Variants in TTC28 observed in about 807,000 individuals in gnomAD.
TTC28 encodes tetratricopeptide repeat protein 28.
TTC28 carries 61 observed loss-of-function variants against 198.0 expected under a neutral mutation model. That is an observed-to-expected ratio of 0.31 (90% confidence interval 0.25 to 0.38). The LOEUF (loss-of-function observed/expected upper bound fraction) is 0.38, where lower values mean the gene tolerates loss of function less well. Ranked by LOEUF, TTC28 falls within the 10% of genes least tolerant of loss-of-function variation. The probability of loss-of-function intolerance (pLI) is 1.00; values close to 1 mark genes in which losing one functional copy is unlikely to be tolerated. For synonymous variants in TTC28, 1,171 were observed against 1,297.8 expected, an observed-to-expected ratio of 0.90 and a Z score of 2.10; for missense variants, 2,678 against 3,164.0, an observed-to-expected ratio of 0.85 and a Z score of 3.69.
chr22:28,467,385 C>T (rs1428360598), intron 2 of TTC28, among the ~76,000 whole-genome samples: 1 of 152,164 alleles, frequency 6.6e-6, no homozygotes, highest in Non-Finnish European at 1.5e-5. Context: ...GATTGCACCA[C>T]TGCACTCCAG....
chr22:28,262,667 A>G (rs946867571), intron 5 of TTC28, among the ~76,000 whole-genome samples: 9 of 152,150 alleles, frequency 5.9e-5, no homozygotes, highest in African/African-American at 1.9e-4. Flanking sequence ...TAATGAAGAG[A>G]CTAAACTGAC....
chr22:28,519,566 C>T (rs562127836), intron 2 of TTC28, among the ~76,000 whole-genome samples: 2 of 152,308 alleles, frequency 1.3e-5, no homozygotes, highest in South Asian at 2.1e-4. Flanking sequence ...ATGTTTCATA[C>T]TAACTCTCCC....
intron 2 of TTC28, among the ~76,000 whole-genome samples, chr22:28,360,953 G>A (rs1569282190): frequency 6.6e-6 from 1 of 151,990 alleles, no homozygotes; most frequent in African/African-American, 2.4e-5. Flanking sequence ...AATTGTTTTG[G>A]GATACCACAA....
intron 5 of TTC28, among the ~76,000 whole-genome samples, chr22:28,215,402 A>T (rs1338068793): frequency 6.6e-6 from 1 of 152,178 alleles, no homozygotes; most frequent in Non-Finnish European, 1.5e-5. Flanking sequence ...CTATGAAAAG[A>T]AGGTAGAGGT....
At chr22:28,166,281 C>A (rs1375065323) in intron 5 of TTC28, among the ~76,000 whole-genome samples, 3 of 152,156 alleles carry the variant, frequency 2.0e-5, no homozygotes, top group South Asian at 2.1e-4. Flanking sequence ...AGAAAGTTAA[C>A]AAGGATATCC....
chr22:28,239,265 T>C (rs992296173), intron 5 of TTC28, among the ~76,000 whole-genome samples: 15 of 152,150 alleles, frequency 9.9e-5, no homozygotes, highest in African/African-American at 3.6e-4. Context: ...TACAATCTTC[T>C]TTGTCCAATA....
Position 28,163,435 on chromosome 22 carries a change from G to A in TTC28, c.1098C>T (p.Ala366=), listed in dbSNP as rs192960148. ...GCACAGCATTCTCAAAGTCACCCAT[G>A]GCAATATACACAGCTCCCATGTTGC... The part of the protein sequence containing the change: ...ELGNMGAVYI[A]MGDFENAVQC... Residue 366 remains alanine, a synonymous_variant, in exon 6 of 23, where the codon GCC becomes GCT. Transcript: ENST00000397906. 15 of 1,551,756 alleles carry A rather than the reference G, an allele frequency of 9.7e-6. No individual in the cohort carries two copies. In the African/African-American group the frequency reaches 1.6e-4, roughly 17 times the overall value.
chr22:28,339,333 C>T (rs2045788988), intron 2 of TTC28, among the ~76,000 whole-genome samples: 1 of 152,104 alleles, frequency 6.6e-6, no homozygotes, highest in Non-Finnish European at 1.5e-5. Context: ...GGCTACTCGG[C>T]GGTCAGGGAC....
chr22:28,097,857 G>A (rs1319996565), intron 10 of TTC28, among the ~76,000 whole-genome samples: 1 of 152,192 alleles, frequency 6.6e-6, no homozygotes, highest in African/African-American at 2.4e-5. Context: ...GTGCACACGG[G>A]AAAATCGGCC....
At chr22:28,393,726 C>T (rs945983263) in intron 2 of TTC28, among the ~76,000 whole-genome samples, 9 of 152,140 alleles carry the variant, frequency 5.9e-5, no homozygotes, top group African/African-American at 2.2e-4. Flanking sequence ...CAAAGCAAAA[C>T]GGCTTCAGCT....
intron 2 of TTC28, among the ~76,000 whole-genome samples, chr22:28,519,867 T>C (rs2048865916): frequency 6.6e-6 from 1 of 152,206 alleles, no homozygotes; most frequent in African/African-American, 2.4e-5. Context: ...TCTCTTTGGC[T>C]GAATAACACA....
chr22:28,671,804 T>TA (rs931351329), intron 1 of TTC28, among the ~76,000 whole-genome samples: 3 of 151,312 alleles, frequency 2.0e-5, no homozygotes, highest in African/African-American at 7.3e-5. Context: ...GCCACCCAAG[T>TA]AACTGGGATT....
chr22:28,134,787 CAGG>C (rs1943158762), intron 6 of TTC28, among the ~76,000 whole-genome samples: 2 of 151,812 alleles, frequency 1.3e-5, no homozygotes, highest in South Asian at 4.1e-4. Flanking sequence ...GGATATTATC[CAGG>C]AGAACTGGAT....
At chr22:28,597,008 G>T (rs1026406666) in intron 2 of TTC28, among the ~76,000 whole-genome samples, 8 of 152,114 alleles carry the variant, frequency 5.3e-5, no homozygotes, top group Non-Finnish European at 1.5e-5. Flanking sequence ...GGAGGATATA[G>T]GTACCACAGA....
intron 5 of TTC28, among the ~76,000 whole-genome samples, chr22:28,209,209 C>G (rs564316466): frequency 9.8e-5 from 15 of 152,308 alleles, no homozygotes; most frequent in African/African-American, 3.6e-4. Flanking sequence ...GGAACAGCTC[C>G]AGTCTACAGC....
chr22:28,028,790 TCC>T (rs1354567865), intron 13 of TTC28: 11 of 337,590 alleles, frequency 3.3e-5, no homozygotes, highest in Non-Finnish European at 5.9e-5. Context: ...TTCAGTGCCT[TCC>T]ACACATTAAG....
intron 2 of TTC28, among the ~76,000 whole-genome samples, chr22:28,496,606 T>C (rs1568979904): frequency 6.6e-6 from 1 of 152,102 alleles, no homozygotes; most frequent in African/African-American, 2.4e-5. Flanking sequence ...CCAATGCCAC[T>C]GCTAATTACC....
At chr22:28,064,323 A>T (rs1940668955) in intron 12 of TTC28, among the ~76,000 whole-genome samples, 1 of 152,148 alleles carries the variant, frequency 6.6e-6, no homozygotes, top group Admixed American at 6.6e-5. Flanking sequence ...AGGGAAAAGG[A>T]TGACTTCAGG....
intron 12 of TTC28, among the ~76,000 whole-genome samples, chr22:28,092,503 C>G (rs130414): frequency 0.16 from 24,069 of 152,162 alleles, 1,968 homozygotes; most frequent in African/African-American, 0.18. Context: ...CTCTCCCTTT[C>G]ATAGTGTTAG....
Sources: allele counts gnomAD v4.1 joint callset (sites outside exome capture counted in the v4.1 genomes callset), GRCh38; gene constraint gnomAD v4.1.1; transcripts MANE v1.5; gene names NCBI Gene and HGNC (gene_info 2026-07-23, HGNC 2026-07-21).